Variants in HPSE2 observed in about 807,000 individuals in gnomAD.
HPSE2 encodes inactive heparanase-2.
A neutral mutation model predicts 60.5 loss-of-function variants in HPSE2; 38 were observed. That is an observed-to-expected ratio of 0.63 (90% CI 0.48 to 0.82). HPSE2 has a LOEUF of 0.82. Ranked by LOEUF, HPSE2 falls within the 40% of genes least tolerant of loss-of-function variation. The pLI, the probability that HPSE2 is intolerant of heterozygous loss-of-function variation, is 0.00. For missense variants in HPSE2, 713 were observed against 740.4 expected (o/e 0.96, Z 0.43); for synonymous variants, 295 against 293.2 (o/e 1.01, Z -0.06).
chr10:98,715,199 A>G (rs1948762178), intron 5 of HPSE2, among the ~76,000 whole-genome samples: 1 of 151,932 alleles, frequency 6.6e-6, no homozygotes, highest in Non-Finnish European at 1.5e-5. Context: ...GTAAAGTCCA[A>G]TTTATCATTG....
chr10:98,554,487 G>T (rs776318641), intron 9 of HPSE2, among the ~76,000 whole-genome samples: 1 of 152,034 alleles, frequency 6.6e-6, no homozygotes, highest in Non-Finnish European at 1.5e-5. Context: ...ATGATTATTT[G>T]TACTTAGCTA....
At chr10:98,497,867 G>T (rs1941901161) in intron 9 of HPSE2, among the ~76,000 whole-genome samples, 2 of 152,102 alleles carry the variant, frequency 1.3e-5, no homozygotes, top group Non-Finnish European at 2.9e-5. Context: ...TCTATGTATA[G>T]GTAGCCTGTT....
chr10:99,232,753 C>T (rs559044270), intron 1 of HPSE2, among the ~76,000 whole-genome samples: 1 of 152,350 alleles, frequency 6.6e-6, no homozygotes, highest in South Asian at 2.1e-4. Flanking sequence ...CTCCCGCAGA[C>T]ACCCAGATCC....
chr10:98,749,947 T>TATATATATAC, intron 3 of HPSE2, among the ~76,000 whole-genome samples: 149 of 98,454 alleles, frequency 1.5e-3, no homozygotes, highest in Middle Eastern at 6.4e-3. Flanking sequence ...TATATATATA[T>TATATATATAC]ACACACACAC....
chr10:99,121,068 A>G (rs1446732191), intron 3 of HPSE2, among the ~76,000 whole-genome samples: 3 of 152,218 alleles, frequency 2.0e-5, no homozygotes, highest in Admixed American at 6.5e-5. Context: ...ATGCCCATCA[A>G]TGGTAGACAG....
intron 2 of HPSE2, among the ~76,000 whole-genome samples, chr10:99,218,583 A>AAAACAAAAG (rs1198691181): frequency 2.0e-5 from 3 of 152,218 alleles, no homozygotes; most frequent in Non-Finnish European, 4.4e-5. Context: ...TGCCATGAGA[A>AAAACAAAAG]AAACAAAAGA....
intron 3 of HPSE2, among the ~76,000 whole-genome samples, chr10:99,082,142 C>T (rs1197959798): frequency 6.6e-6 from 1 of 152,092 alleles, no homozygotes; most frequent in East Asian, 1.9e-4. Flanking sequence ...TATAAAGGGG[C>T]AGAGATGGCA....
chr10:99,295,173 T>G, the HPSE2 span, among the ~76,000 whole-genome samples: 1 of 152,246 alleles, frequency 6.6e-6, no homozygotes, highest in African/African-American at 2.4e-5. Flanking sequence ...TAAGAGGTTT[T>G]CATGTGTTGA....
intron 3 of HPSE2, among the ~76,000 whole-genome samples, chr10:98,825,347 T>A (rs1951517801): frequency 6.6e-6 from 1 of 152,064 alleles, no homozygotes; most frequent in South Asian, 2.1e-4. Flanking sequence ...ATGTGGATAA[T>A]TATTTGAGAA....
intron 3 of HPSE2, among the ~76,000 whole-genome samples, chr10:99,017,467 G>C (rs1463006548): frequency 6.6e-6 from 1 of 152,132 alleles, no homozygotes; most frequent in East Asian, 1.9e-4. Context: ...GTTCATCAAG[G>C]ATATTGCCCT....
At chr10:98,461,951 A>G in intron 11 of HPSE2, 2 of 731,676 alleles carry the variant, frequency 2.7e-6, no homozygotes, top group Non-Finnish European at 4.8e-6. Context: ...AGAACCAGGA[A>G]GCATGGTGAA....
At chr10:99,259,297 AC>A in the HPSE2 span, among the ~76,000 whole-genome samples, 10 of 89,652 alleles carry the variant, frequency 1.1e-4, no homozygotes, top group East Asian at 9.0e-4. Flanking sequence ...CAAGAGCAAA[AC>A]CCCCCCCACC....
At chr10:99,022,931 G>A (rs1957295206) in intron 3 of HPSE2, among the ~76,000 whole-genome samples, 1 of 152,096 alleles carries the variant, frequency 6.6e-6, no homozygotes, top group Non-Finnish European at 1.5e-5. Flanking sequence ...ACCTGTGCTG[G>A]CTACAAGGTA....
chr10:98,461,913 T>G (rs998572951), intron 11 of HPSE2: 10 of 918,322 alleles, frequency 1.1e-5, no homozygotes, highest in Admixed American at 6.0e-5. Flanking sequence ...TTCTGGTTTC[T>G]TTATTGGTTG....
chr10:99,273,936 C>A, the HPSE2 span, among the ~76,000 whole-genome samples: 1 of 152,212 alleles, frequency 6.6e-6, no homozygotes, highest in East Asian at 1.9e-4. Flanking sequence ...TTTCTAAGAT[C>A]CAGTCTGAAA....
At chr10:99,183,100 C>CT (rs1239076923) in intron 2 of HPSE2, among the ~76,000 whole-genome samples, 1 of 152,126 alleles carries the variant, frequency 6.6e-6, no homozygotes, top group African/African-American at 2.4e-5. Context: ...ACCCCCACCT[C>CT]AATGCCTACA....
chr10:98,682,392 G>C (rs1947809642), intron 6 of HPSE2, among the ~76,000 whole-genome samples: 1 of 152,094 alleles, frequency 6.6e-6, no homozygotes, highest in Admixed American at 6.6e-5. Context: ...CTCTGTCTCA[G>C]GTGTTTATGG....
intron 5 of HPSE2, among the ~76,000 whole-genome samples, chr10:98,709,321 C>T (rs1332261594): frequency 6.6e-6 from 1 of 152,186 alleles, no homozygotes; most frequent in African/African-American, 2.4e-5. Flanking sequence ...GGACTTTCTA[C>T]CATTCACTTC....
At chr10:99,215,463 G>A (rs964439009) in intron 2 of HPSE2, among the ~76,000 whole-genome samples, 6 of 152,126 alleles carry the variant, frequency 3.9e-5, no homozygotes, top group East Asian at 1.9e-4. Context: ...GCCTGTCGGC[G>A]GGGTAGGGGG....
Sources: gnomAD v4.1 joint callset for allele counts (sites outside exome capture counted in the v4.1 genomes callset) on GRCh38, gnomAD v4.1.1 for gene constraint, MANE v1.5 for transcripts, NCBI Gene and HGNC (gene_info 2026-07-23, HGNC 2026-07-21) for gene names.